PEAR1: variants seen among roughly 807,000 people sequenced by gnomAD.
PEAR1 encodes the protein multiple EGF-like domains protein 12.
PEAR1 carries 113 observed loss-of-function variants against 131.2 expected under a neutral mutation model. The ratio of observed to expected loss-of-function variants is 0.86; its 90% CI spans 0.74 to 1.01. PEAR1 has a LOEUF of 1.01. Ranked by LOEUF, PEAR1 falls within the 50% of genes least tolerant of loss-of-function variation. PEAR1 has a pLI of 0.00. For synonymous variants in PEAR1, 565 were observed against 523.3 expected (o/e 1.08, Z -1.09); for missense variants, 1,408 against 1,391.1 (o/e 1.01, Z -0.19).
intron 7 of PEAR1, 90 bp downstream of exon 7, chr1:156,907,820 G>A: frequency 6.4e-7 from 1 of 1,568,812 alleles, no homozygotes; most frequent in Non-Finnish European, 8.7e-7. Flanking sequence ...TGAGTGAGGG[G>A]GGTGAGCTCT....
rs567667806 is a variant in PEAR1, at chr1:156,913,985, T to C, written c.2847T>C (p.Pro949=). 1 of 1,613,492 alleles carries C rather than the reference T, an allele frequency of 6.2e-7. No homozygotes were observed. Among genetic ancestry groups the C allele is most frequent in the Admixed American group, 1.7e-5 (1 of 59,958 alleles). ...RESSYMEMKG[P]PSGSPPRQPP... The stretch of plus-strand genomic sequence containing the variant: ...GCAGCTACATGGAGATGAAAGGCCC[T>C]CCCTCAGGATCTCCCCCCAGGCAGC... The change falls in exon 22 of 23, where the codon CCT becomes CCC. Residue 949 remains proline, a synonymous_variant. Transcript: ENST00000292357.
chr1:156,904,675 A>G, intron 2 of PEAR1, 73 bp from the exon 3 acceptor site: 2 of 1,439,450 alleles, frequency 1.4e-6, no homozygotes, highest in Non-Finnish European at 1.9e-6. Context: ...CCAAGCCCTC[A>G]TGGCCATTTT....
In PEAR1 at chr1:156,912,798, G is replaced by C; in HGVS notation, c.2238G>C (p.Pro746=). Residue 746 remains proline (P), a synonymous_variant, in exon 18 of 23, where the codon CCG becomes CCC. Transcript: ENST00000292357. ...TCCAGGAGCCCTTTACTGTGATGCCGACCACTCCAGTAGCGTATAACTCGC... is the reference window on the plus strand; with the variant it reads ...TCCAGGAGCCCTTTACTGTGATGCCCACCACTCCAGTAGCGTATAACTCGC... The part of the protein sequence containing the change: ...IGIQEPFTVM[P]TTPVAYNSLG... The C allele has an allele frequency of 6.2e-7, 1 of 1,614,144 alleles. No individual in the cohort carries two copies. Among genetic ancestry groups the C allele is most frequent in the African/African-American group, 1.3e-5 (1 of 75,022 alleles).
Position 156,912,886 on chromosome 1 carries a change from A to T in PEAR1, c.2326A>T (p.Ile776Phe). 1 of 1,614,204 alleles carries T rather than the reference A, an allele frequency of 6.2e-7. No homozygotes were observed. The highest frequency in any genetic ancestry group is 8.5e-7 in the Non-Finnish European group (1 of 1,180,030). Reference sequence around the variant, plus strand: ...TGTGGTAGCCCTGGTGGCACTGTTCATTGGCTATCGGCACTGGCAAAAAGG... The same window carrying T: ...TGTGGTAGCCCTGGTGGCACTGTTCTTTGGCTATCGGCACTGGCAAAAAGG... ...SLVVALVALF[I>F]GYRHWQKGKE... Residue 776 changes from isoleucine (I) to phenylalanine (F), a missense_variant, in exon 18 of 23, where the codon ATT becomes TTT. By Grantham distance (21) the Ile-to-Phe change is conservative (BLOSUM62 0). Coordinates refer to ENST00000292357, the MANE Select transcript of PEAR1 (RefSeq NM_001080471.3).
intron 1 of PEAR1, among the ~76,000 whole-genome samples, chr1:156,901,394 G>A (rs531608077): frequency 6.6e-6 from 1 of 152,228 alleles, no homozygotes. Context: ...GACAGGACTT[G>A]GGTGGGTAGG....
Position 156,904,804 on chromosome 1 carries a change from AGCCCTGCGAGCG to A in PEAR1, c.165_176del (p.Cys55_Pro58del). On this transcript the variant is annotated inframe_deletion, in exon 3 of 23. Transcript: ENST00000292357. ...CGCCCCTTCAGCCTGCTCCCCTCAG[AGCCCTGCGAGCG>A]GCCCTGGGAGGGCCCCCATACTTGC... is the stretch of plus-strand genomic sequence containing the variant. 6.2e-7 allele frequency: 1 copy of A among 1,613,802 alleles called. No individual in the cohort carries two copies. Among genetic ancestry groups the A allele is most frequent in the Non-Finnish European group, 8.5e-7 (1 of 1,179,856 alleles).
chr1:156,908,027 G>A lies in PEAR1; in HGVS notation c.878G>A (p.Cys293Tyr), dbSNP rs776476196. 14 of 1,574,782 alleles carry A rather than the reference G, an allele frequency of 8.9e-6. No homozygotes were observed. The South Asian group carries it at 1.6e-4, about 18-fold the overall frequency. Residue 293 changes from cysteine (C) to tyrosine (Y), a missense_variant, in exon 8 of 23, where the codon TGC becomes TAC. Coordinates refer to ENST00000292357, the MANE Select transcript of PEAR1 (RefSeq NM_001080471.3). The surrounding 1 kb of genome is among the most constrained non-coding windows in gnomAD (Gnocchi z 4.2). ...GACCGATTCACTGGGCAGTGCCGCTGCGCTCCGGGTTACACTGGGGATCGG... is the reference window on the plus strand; with the variant it reads ...GACCGATTCACTGGGCAGTGCCGCTACGCTCCGGGTTACACTGGGGATCGG... ...LCDRFTGQCRCAPGYTGDRCR... is the reference protein window; with the variant it reads ...LCDRFTGQCRYAPGYTGDRCR...
chr1:156,911,126 C>G (rs1473399264), intron 15 of PEAR1, among the ~76,000 whole-genome samples: 1 of 112,230 alleles, frequency 8.9e-6, no homozygotes, highest in Non-Finnish European at 1.8e-5. Flanking sequence ...TTCTTTCTTT[C>G]TTTCCTTTCT....
At position 156,906,717 on chromosome 1, in the gene PEAR1, G is replaced by A. The variant is rs1650356169; in HGVS notation, c.481G>A (p.Gly161Arg). ...CAACAGCTCGTGTGATCCCAAGAGT[G>A]GGGTATGTTCTTGCCCTTCTGGTCT... is the stretch of plus-strand genomic sequence containing the variant. ...GNNSSCDPKS[G>R]VCSCPSGLQP... Residue 161 changes from glycine (G) to arginine (R), a missense_variant, in exon 6 of 23, where the codon GGG becomes AGG. Coordinates refer to ENST00000292357, the MANE Select transcript of PEAR1 (RefSeq NM_001080471.3). 1.9e-6 allele frequency: 3 copies of A among 1,614,124 alleles called. No individual in the cohort carries two copies. The highest frequency in any genetic ancestry group is 2.7e-5 in the African/African-American group (2 of 74,940).
intron 12 of PEAR1, 36 bp from the exon 13 acceptor site, chr1:156,909,970 C>T: frequency 6.2e-7 from 1 of 1,612,684 alleles, no homozygotes; most frequent in East Asian, 2.2e-5. Flanking sequence ...CGTCCCCCAG[C>T]TGACTGGCCT....
chr1:156,907,184 G>C (rs1027254841), intron 6 of PEAR1, among the ~76,000 whole-genome samples: 1 of 152,260 alleles, frequency 6.6e-6, no homozygotes, highest in African/African-American at 2.4e-5. Context: ...GCTGGGACAA[G>C]GACCCAGAGA....
chr1:156,902,592 T>G lies in PEAR1; in HGVS notation c.-9-1326T>G, dbSNP rs1471459895. Among the ~76,000 whole-genome samples, 2 of 149,670 alleles carry G rather than the reference T, an allele frequency of 1.3e-5. No individual in the cohort carries two copies. The highest frequency in any genetic ancestry group is 3.0e-5 in the Non-Finnish European group (2 of 67,488). On this transcript the variant is annotated intron_variant, in intron 1 of 22. Coordinates refer to ENST00000292357, the MANE Select transcript of PEAR1 (RefSeq NM_001080471.3). The surrounding 1 kb of genome is among the most constrained non-coding windows in gnomAD (Gnocchi z 4.3). ...AGAGTGGCTTTGGGGACCCTGGGAGTGTGTGGGTGTGGGGTGTGGGGTAGG... is the reference window on the plus strand; with the variant it reads ...AGAGTGGCTTTGGGGACCCTGGGAGGGTGTGGGTGTGGGGTGTGGGGTAGG...
intron 6 of PEAR1, 43 bp downstream of exon 6, chr1:156,906,923 CA>C (rs745961208): frequency 2.3e-5 from 36 of 1,584,216 alleles, no homozygotes; most frequent in Non-Finnish European, 2.7e-5. Flanking sequence ...ATCGCAGACA[CA>C]AGGCCACACA....
intron 2 of PEAR1, among the ~76,000 whole-genome samples, chr1:156,904,347 C>T (rs567871332): frequency 1.3e-5 from 2 of 152,214 alleles, no homozygotes; most frequent in South Asian, 2.1e-4. Context: ...GAGGGGCTGG[C>T]CCAGGGGGAG....
At position 156,906,808 on chromosome 1, in the gene PEAR1, GCCAGTGCCATGGGGCACCCTGCGAT is replaced by G; in HGVS notation, c.575_599del (p.Gln192ProfsTer177). The G allele has an allele frequency of 6.2e-7, 1 of 1,614,218 alleles. No homozygotes were observed. Among genetic ancestry groups the G allele is most frequent in the South Asian group, 1.1e-5 (1 of 91,088 alleles). On this transcript the variant is annotated frameshift_variant, in exon 6 of 23. Transcript: ENST00000292357. LOFTEE classifies it high-confidence loss of function. ...TATGGCCCTGCCTGCCAGTTCCGCT[GCCAGTGCCATGGGGCACCCTGCGAT>G]CCCCAGACTGGAGCCTGCTTCTGCC...
At chr1:156,901,835 G>A (rs1176951266) in intron 1 of PEAR1, among the ~76,000 whole-genome samples, 1 of 152,130 alleles carries the variant, frequency 6.6e-6, no homozygotes, top group African/African-American at 2.4e-5. Flanking sequence ...GATCCCTGGA[G>A]TGGGCATTGG....
chr1:156,895,958 C>T lies in PEAR1; in HGVS notation c.-10+2121C>T, dbSNP rs531508904. On this transcript the variant is annotated intron_variant, in intron 1 of 22. Coordinates refer to ENST00000292357, the MANE Select transcript of PEAR1 (RefSeq NM_001080471.3). ...TTAGCTTGGCATGGTGGTGCCCGCCCATGGGCCCATCTACTCAAGAGGCTG... is the reference window on the plus strand; with the variant it reads ...TTAGCTTGGCATGGTGGTGCCCGCCTATGGGCCCATCTACTCAAGAGGCTG... 7.2e-5 allele frequency among the ~76,000 whole-genome samples: 11 copies of T among 152,158 alleles called. No homozygotes were observed. The South Asian group carries it at 2.1e-3, about 29-fold the overall frequency.
intron 1 of PEAR1, among the ~76,000 whole-genome samples, chr1:156,900,710 G>T (rs955300387): frequency 6.6e-6 from 1 of 152,114 alleles, no homozygotes; most frequent in Admixed American, 6.5e-5. Flanking sequence ...CCAGAGGCTT[G>T]GAGGGTGAAG....
At chr1:156,896,238 A>G (rs1558120548) in intron 1 of PEAR1, among the ~76,000 whole-genome samples, 1 of 152,210 alleles carries the variant, frequency 6.6e-6, no homozygotes, top group South Asian at 2.1e-4. Context: ...CACTTACTTT[A>G]TAGGCTTGCT....
Sources: allele counts gnomAD v4.1 joint callset (sites outside exome capture counted in the v4.1 genomes callset), GRCh38; gene constraint gnomAD v4.1.1; non-coding constraint Gnocchi (gnomAD v3.1); transcripts MANE v1.5; gene names NCBI Gene and HGNC (gene_info 2026-07-23, HGNC 2026-07-21).